KHDRBS1: variants seen among roughly 807,000 people sequenced by gnomAD.
KHDRBS1 encodes the protein KH domain-containing, RNA-binding, signal transduction-associated protein 1.
A neutral mutation model predicts 48.4 loss-of-function variants in KHDRBS1; 7 were observed. That is an observed-to-expected ratio of 0.14 (90% CI 0.08 to 0.27). The LOEUF (loss-of-function observed/expected upper bound fraction) is 0.27. Ranked by LOEUF, KHDRBS1 falls within the 10% of genes least tolerant of loss-of-function variation. KHDRBS1 has a pLI of 1.00. For missense variants in KHDRBS1, 458 were observed against 601.2 expected (o/e 0.76, Z 2.49); for synonymous variants, 241 against 235.8 (o/e 1.02, Z -0.20).
At position 32,013,903 on chromosome 1, in the gene KHDRBS1, ACCGCTC is replaced by A. The variant is rs1411693737; in HGVS notation, c.-86_-81del. On this transcript the variant is annotated 5_prime_UTR_variant, in exon 1 of 9. Coordinates refer to ENST00000327300, the MANE Select transcript of KHDRBS1 (RefSeq NM_006559.3). ...GTCGCTCGGGTCGGCTTCGGTCGCTACCGCTCCCGCTCTGCCACCCCCGCCAACCGC... is the reference window on the plus strand; with the variant it reads ...GTCGCTCGGGTCGGCTTCGGTCGCTACCGCTCTGCCACCCCCGCCAACCGC... The A allele has an allele frequency of 8.2e-7, 1 of 1,225,826 alleles. No homozygotes were observed. Among genetic ancestry groups the A allele is most frequent in the Non-Finnish European group, 1.0e-6 (1 of 955,624 alleles). 75.9% of individuals were successfully genotyped at this position (1,225,826 alleles called of 1,614,324 possible). A position where few individuals can be genotyped will look rare whatever the true frequency, so the allele number is the denominator to read the frequency against.
chr1:32,034,596 G>A (rs947681247), intron 4 of KHDRBS1, among the ~76,000 whole-genome samples: 1 of 152,026 alleles, frequency 6.6e-6, no homozygotes, highest in Admixed American at 6.6e-5. Flanking sequence ...TAGGCATTGT[G>A]TACCCATAAT....
At chr1:32,020,341 G>C (rs142932754) in intron 1 of KHDRBS1, among the ~76,000 whole-genome samples, 1 of 150,260 alleles carries the variant, frequency 6.7e-6, no homozygotes, top group Non-Finnish European at 1.5e-5. Flanking sequence ...TGGAAGAATC[G>C]CTTGAACCCA....
intron 1 of KHDRBS1, among the ~76,000 whole-genome samples, chr1:32,023,457 G>A (rs556570444): frequency 4.6e-5 from 7 of 152,140 alleles, no homozygotes; most frequent in African/African-American, 1.7e-4. Context: ...AATTCCTGAC[G>A]CATAGAAGGC....
chr1:32,035,435 A>G (rs1386262500), intron 4 of KHDRBS1, among the ~76,000 whole-genome samples: 4 of 152,210 alleles, frequency 2.6e-5, no homozygotes, highest in Non-Finnish European at 5.9e-5. Context: ...CCTGGGATAT[A>G]TAAAAATGCA....
chr1:32,023,950 G>T (rs1472929456), intron 1 of KHDRBS1, among the ~76,000 whole-genome samples: 1 of 152,178 alleles, frequency 6.6e-6, no homozygotes, highest in African/African-American at 2.4e-5. Flanking sequence ...AATAGGAAAA[G>T]CATGAAATTA....
rs991394559 is a variant in KHDRBS1 at position 32,013,903 on chromosome 1, A to C, written c.-93A>C. The C allele has an allele frequency of 1.5e-5, 18 of 1,225,946 alleles. No homozygotes were observed. Among genetic ancestry groups the C allele is most frequent in the African/African-American group, 6.3e-5 (4 of 62,994 alleles). 75.9% of individuals were successfully genotyped at this position (1,225,946 alleles called of 1,614,324 possible). On this transcript the variant is annotated 5_prime_UTR_variant, in exon 1 of 9. Transcript: ENST00000327300. ...GTCGCTCGGGTCGGCTTCGGTCGCT[A>C]CCGCTCCCGCTCTGCCACCCCCGCC...
At chr1:32,037,765 T>A in intron 5 of KHDRBS1, 70 bp from the exon 6 acceptor site, 1 of 1,546,576 alleles carries the variant, frequency 6.5e-7, no homozygotes, top group Non-Finnish European at 8.9e-7. Flanking sequence ...CCAGAATTTG[T>A]AAACAAATCA....
intron 5 of KHDRBS1, 130 bp downstream of exon 5, chr1:32,037,173 T>C: frequency 1.0e-6 from 1 of 978,798 alleles, no homozygotes; most frequent in South Asian, 1.7e-5. Context: ...AACAGAATTC[T>C]ACAACCATAC....
Position 32,043,003 on chromosome 1 carries a change from A to C in KHDRBS1, c.*379A>C, listed in dbSNP as rs1355593711. The C allele has an allele frequency of 6.5e-6, 1 of 154,960 alleles. No individual in the cohort carries two copies. 9.6% of individuals were successfully genotyped at this position (154,960 alleles called of 1,614,324 possible). On this transcript the variant is annotated 3_prime_UTR_variant, in exon 9 of 9. Coordinates refer to ENST00000327300, the MANE Select transcript of KHDRBS1 (RefSeq NM_006559.3). ...TTGCTTGCTTAAAGGTTCTGAAGTA[A>C]AGGCTTGTTAAGTTTCTCTTAGTTT...
chr1:32,042,120 A>G (rs1639292594), intron 8 of KHDRBS1, among the ~76,000 whole-genome samples: 1 of 152,008 alleles, frequency 6.6e-6, no homozygotes, highest in South Asian at 2.1e-4. Context: ...TTCCCACCTT[A>G]CCTGAGGGTG....
Position 32,033,226 on chromosome 1 carries a change from C to T in KHDRBS1, c.663C>T (p.Ala221=). The change falls in exon 4 of 9, where the codon GCC becomes GCT. Residue 221 remains alanine, a synonymous_variant. Coordinates refer to ENST00000327300, the MANE Select transcript of KHDRBS1 (RefSeq NM_006559.3). ...ELRKGGDPKY[A]HLNMDLHVFI... is the part of the protein sequence containing the mutation. ...GCAAAGGTGGAGACCCCAAATATGC[C>T]CACTTGAATATGGATCTGCATGTCT... is the stretch of plus-strand genomic sequence containing the variant. 6.2e-7 allele frequency: 1 copy of T among 1,613,922 alleles called. No individual in the cohort carries two copies. The highest frequency in any genetic ancestry group is 1.3e-5 in the African/African-American group (1 of 75,018).
chr1:32,025,332 G>C (rs1301239159), intron 1 of KHDRBS1, among the ~76,000 whole-genome samples: 2 of 115,190 alleles, frequency 1.7e-5, no homozygotes, highest in Non-Finnish European at 3.2e-5. Flanking sequence ...ACAGAGTCTC[G>C]CTCTGTCACC....
At position 32,038,638 on chromosome 1, in the gene KHDRBS1, G is replaced by A; in HGVS notation, c.1175+19G>A. 6.2e-7 allele frequency: 1 copy of A among 1,613,052 alleles called. No homozygotes were observed. The highest frequency in any genetic ancestry group is 8.5e-7 in the Non-Finnish European group (1 of 1,179,170). ...GTCAAGGGTGAGTCAGGCAGTATAA[G>A]CACTGTTTTTTGTCCTGAGGATGGA... On this transcript the variant is annotated intron_variant, in intron 7 of 8. Transcript: ENST00000327300.
At position 32,059,177 on chromosome 1, in the gene KHDRBS1, AAAAAAAAC is replaced by A. The variant is rs1158941400; in HGVS notation, n.1302-981_1302-974del. Among the ~76,000 whole-genome samples, 18 of 151,526 alleles carry A rather than the reference AAAAAAAAC, an allele frequency of 1.2e-4. 1 individual carries two copies. The highest frequency in any genetic ancestry group is 6.8e-3 in the Middle Eastern group (2 of 294). ...CTCTGTCTCAGGAGAAAAAAAAAAA[AAAAAAAAC>A]AAAACCTTTTAGGCGATAGAATGAA... On this transcript the variant is annotated intron_variant and non_coding_transcript_variant, in intron 10 of 10. Transcript: ENST00000484270.
At chr1:32,034,452 A>T (rs541850453) in intron 4 of KHDRBS1, among the ~76,000 whole-genome samples, 3 of 151,836 alleles carry the variant, frequency 2.0e-5, no homozygotes, top group Admixed American at 1.3e-4. Flanking sequence ...CCCAGCTACT[A>T]GGGAGGCTGA....
chr1:32,054,020 G>T (rs1242053785), intron 10 of KHDRBS1, among the ~76,000 whole-genome samples: 4 of 152,228 alleles, frequency 2.6e-5, no homozygotes, highest in Non-Finnish European at 5.9e-5. Context: ...GGAGGTGGAG[G>T]TTGCAGTGAG....
At chr1:32,030,522 C>A in intron 2 of KHDRBS1, 100 bp downstream of exon 2, 1 of 1,006,178 alleles carries the variant, frequency 9.9e-7, no homozygotes, top group Non-Finnish European at 1.4e-6. Context: ...GCTTTAGAAA[C>A]TTAAGCCTGT....
chr1:32,051,769 C>G (rs1433259814), intron 10 of KHDRBS1, among the ~76,000 whole-genome samples: 2 of 152,198 alleles, frequency 1.3e-5, no homozygotes, highest in African/African-American at 4.8e-5. Flanking sequence ...CCTTTATACT[C>G]TCTTCCACCA....
intron 4 of KHDRBS1, among the ~76,000 whole-genome samples, chr1:32,036,079 G>A (rs1230463646): frequency 6.6e-6 from 1 of 151,498 alleles, no homozygotes; most frequent in Non-Finnish European, 1.5e-5. Context: ...GTGTTCTTAA[G>A]CTGGTTGATG....
Sources: allele counts gnomAD v4.1 joint callset (sites outside exome capture counted in the v4.1 genomes callset), GRCh38; gene constraint gnomAD v4.1.1; transcripts MANE v1.5; gene names NCBI Gene and HGNC (gene_info 2026-07-23, HGNC 2026-07-21).